NUDT9: variants seen among roughly 807,000 people sequenced by gnomAD.
The protein encoded by NUDT9 is nudix hydrolase 9.
A neutral mutation model predicts 41.0 loss-of-function variants in NUDT9; 31 were observed. The ratio of observed to expected loss-of-function variants is 0.76; its 90% confidence interval spans 0.57 to 1.02. The LOEUF is 1.02. Ranked by LOEUF, NUDT9 falls within the 50% of genes least tolerant of loss-of-function variation. NUDT9 has a pLI of 0.00. For missense variants in NUDT9, 380 were observed against 431.4 expected (o/e 0.88, Z 1.06); for synonymous variants, 146 against 147.6 (o/e 0.99, Z 0.08).
Position 87,449,231 on chromosome 4 carries a change from G to T in NUDT9, c.620G>T (p.Cys207Phe). 6.3e-7 allele frequency: 1 copy of T among 1,596,232 alleles called. No individual in the cohort carries two copies. The highest frequency in any genetic ancestry group is 8.6e-7 in the Non-Finnish European group (1 of 1,163,926). Reference protein sequence around the residue: ...LQFVAIKRKDCGEWAIPGGMV... With the variant: ...LQFVAIKRKDFGEWAIPGGMV... ...TTTGTTGCAATAAAAAGGAAAGACT[G>T]TGGAGAATGGGCAATCCCAGGGGTA... Residue 207 changes from cysteine to phenylalanine, a missense_variant, in exon 5 of 8, where the codon TGT (cysteine) becomes TTT (phenylalanine). By Grantham distance (205) the Cys-to-Phe change is radical. Coordinates refer to ENST00000302174, the MANE Select transcript of NUDT9 (RefSeq NM_024047.5).
At chr4:87,451,190 G>C (rs1269977759) in intron 5 of NUDT9, among the ~76,000 whole-genome samples, 1 of 152,184 alleles carries the variant, frequency 6.6e-6, no homozygotes, top group African/African-American at 2.4e-5. Context: ...ATAATAGCAG[G>C]TACAAAGGCT....
At chr4:87,440,336 C>A (rs1446367026) in intron 3 of NUDT9, among the ~76,000 whole-genome samples, 1 of 147,866 alleles carries the variant, frequency 6.8e-6, no homozygotes, top group Non-Finnish European at 1.5e-5. Context: ...TCCATCAGGA[C>A]TCTCTCTCTG....
At chr4:87,428,356 A>G (rs1417441314) in intron 1 of NUDT9, among the ~76,000 whole-genome samples, 1 of 152,180 alleles carries the variant, frequency 6.6e-6, no homozygotes, top group Non-Finnish European at 1.5e-5. Context: ...AACACTTATA[A>G]TTCAGCAATC....
At chr4:87,435,753 C>T (rs1721903317) in intron 2 of NUDT9, among the ~76,000 whole-genome samples, 1 of 152,040 alleles carries the variant, frequency 6.6e-6, no homozygotes. Context: ...ATAGAAGTGC[C>T]GCATTGATTA....
chr4:87,432,608 C>T (rs1327531936), intron 1 of NUDT9, among the ~76,000 whole-genome samples: 1 of 152,062 alleles, frequency 6.6e-6, no homozygotes, highest in African/African-American at 2.4e-5. Flanking sequence ...GAAAAACTTC[C>T]AGTCTTTCAC....
intron 4 of NUDT9, among the ~76,000 whole-genome samples, chr4:87,445,739 T>G (rs1247942874): frequency 1.3e-5 from 2 of 152,198 alleles, no homozygotes; most frequent in African/African-American, 4.8e-5. Context: ...TCAATTAAAA[T>G]GATGTATTAG....
chr4:87,428,829 C>T (rs556009988), intron 1 of NUDT9, among the ~76,000 whole-genome samples: 3 of 152,228 alleles, frequency 2.0e-5, no homozygotes, highest in South Asian at 2.1e-4. Context: ...GCATAGCCTC[C>T]CGCATTGTCA....
In NUDT9 at chr4:87,449,125, T is replaced by G; in HGVS notation, c.531-17T>G. ...TTTTGTTGTAAATCCGTTATGATTT[T>G]ATATTACTATTCACAGATGGAAAAG... On this transcript the variant is annotated splice_polypyrimidine_tract_variant and intron_variant, in intron 4 of 7. Transcript: ENST00000302174. 6 of 1,394,428 alleles carry G rather than the reference T, an allele frequency of 4.3e-6. No homozygotes were observed. Among genetic ancestry groups the G allele is most frequent in the Non-Finnish European group, 6.1e-6 (6 of 983,136 alleles). 86.4% of individuals were successfully genotyped at this position (1,394,428 alleles called of 1,614,324 possible).
At chr4:87,455,986 A>AAC (rs1278670284) in intron 7 of NUDT9, among the ~76,000 whole-genome samples, 26 of 152,096 alleles carry the variant, frequency 1.7e-4, no homozygotes, top group Admixed American at 6.6e-5. Flanking sequence ...AAAATTGACC[A>AAC]TGATATAACT....
rs766404592 is a variant in NUDT9 at position 87,457,816 on chromosome 4, T to C, written c.875-27T>C. On this transcript the variant is annotated intron_variant, in intron 7 of 7. Transcript: ENST00000302174. ...TGCTAAAACAGAAATGAGTTTTTCTTGGTGATGGTTTTTCTTTGGCAACCA... is the reference window on the plus strand; with the variant it reads ...TGCTAAAACAGAAATGAGTTTTTCTCGGTGATGGTTTTTCTTTGGCAACCA... The C allele has an allele frequency of 3.1e-5, 49 of 1,598,692 alleles. No homozygotes were observed. In the East Asian group the frequency reaches 1.1e-3, roughly 35 times the overall value.
intron 3 of NUDT9, 144 bp from the exon 4 acceptor site, chr4:87,441,685 C>T: frequency 2.8e-6 from 2 of 705,366 alleles, no homozygotes; most frequent in Admixed American, 4.7e-5. Flanking sequence ...TACATGACTT[C>T]AGCACCAGAT....
chr4:87,454,898 T>G (rs1349448560), intron 7 of NUDT9, among the ~76,000 whole-genome samples: 1 of 152,166 alleles, frequency 6.6e-6, no homozygotes, highest in Admixed American at 6.5e-5. Flanking sequence ...AACAAAAAAT[T>G]CCAAGTACTG....
chr4:87,451,558 C>A, intron 5 of NUDT9, 31 bp from the exon 6 acceptor site: 1 of 1,590,936 alleles, frequency 6.3e-7, no homozygotes, highest in Non-Finnish European at 8.6e-7. Context: ...AAGCTGATCC[C>A]TTTTTTCAAA....
intron 1 of NUDT9, among the ~76,000 whole-genome samples, chr4:87,426,997 A>G (rs7666886): frequency 0.6 from 88,959 of 149,314 alleles, 26,738 homozygotes; most frequent in East Asian, 0.64. Flanking sequence ...GCATATGCCT[A>G]TAGTCCCACC....
At chr4:87,434,627 T>A (rs1181770984) in intron 1 of NUDT9, among the ~76,000 whole-genome samples, 1 of 116,328 alleles carries the variant, frequency 8.6e-6, no homozygotes, top group East Asian at 4.0e-4. Flanking sequence ...AATTAGGTTC[T>A]TTTTTTTTTT....
At position 87,422,787 on chromosome 4, in the gene NUDT9, C is replaced by G; in HGVS notation, c.-119C>G. 3.0e-6 allele frequency: 2 copies of G among 673,100 alleles called. No individual in the cohort carries two copies. The highest frequency in any genetic ancestry group is 5.1e-6 in the Non-Finnish European group (2 of 393,274). The allele number at this position is 673,100 out of a possible 1,614,324, so 41.7% of individuals were successfully genotyped here. A position where few individuals can be genotyped will look rare whatever the true frequency, so the allele number is the denominator to read the frequency against. ...CTACTCCCGTTCGGGAACCCAACGG[C>G]AGACAGGTCCTAGTGCCCATCAGAT... On this transcript the variant is annotated 5_prime_UTR_variant, in exon 1 of 8. Transcript: ENST00000302174.
chr4:87,429,456 G>T (rs1478632891), intron 1 of NUDT9, among the ~76,000 whole-genome samples: 6 of 152,034 alleles, frequency 3.9e-5, no homozygotes, highest in African/African-American at 1.4e-4. Context: ...GCCCCACTGA[G>T]AAGTTTCTTT....
At chr4:87,453,685 C>T (rs1163620353) in intron 6 of NUDT9, among the ~76,000 whole-genome samples, 1 of 152,044 alleles carries the variant, frequency 6.6e-6, no homozygotes, top group African/African-American at 2.4e-5. Flanking sequence ...ACCTCCGCCT[C>T]CCAAAGTGCT....
intron 3 of NUDT9, among the ~76,000 whole-genome samples, chr4:87,438,676 G>A (rs927062460): frequency 3.3e-5 from 5 of 152,138 alleles, no homozygotes; most frequent in Non-Finnish European, 7.3e-5. Context: ...AAGAAAAATT[G>A]TTCAGCAGAT....
Sources: allele counts gnomAD v4.1 joint callset (sites outside exome capture counted in the v4.1 genomes callset), GRCh38; gene constraint gnomAD v4.1.1; transcripts MANE v1.5; gene names NCBI Gene and HGNC (gene_info 2026-07-23, HGNC 2026-07-21).